Variants in NLGN4X observed in about 807,000 individuals in gnomAD.
The protein encoded by NLGN4X is neuroligin-4, X-linked.
Under a neutral mutation model 40.3 loss-of-function variants are expected in NLGN4X, and 3 were observed. The observed-to-expected ratio is 0.07, with a 90% confidence interval of 0.03 to 0.19. The LOEUF (loss-of-function observed/expected upper bound fraction) is 0.19, where lower values mean the gene tolerates loss of function less well. NLGN4X is among the 10% of genes least tolerant of loss of function. The pLI is 1.00. For missense variants in NLGN4X, 382 were observed against 708.3 expected (o/e 0.54, Z 5.23); for synonymous variants, 270 against 306.8 (o/e 0.88, Z 1.25).
chrX:5,981,092 G>A lies in NLGN4X; in HGVS notation c.625+48188C>T, dbSNP rs367741587. Among the ~76,000 whole-genome samples the A allele has an allele frequency of 3.6e-5, 4 of 110,947 alleles. No homozygotes were observed. The East Asian group carries it at 8.5e-4, about 24-fold the overall frequency. On this transcript the variant is annotated intron_variant, in intron 3 of 5. Transcript: ENST00000381095. ...CTTAAGCCTTCATCAGTGTCCCTCAGTGACAGAGTATAGTTTTCAGTGCAT... is the reference window on the plus strand; with the variant it reads ...CTTAAGCCTTCATCAGTGTCCCTCAATGACAGAGTATAGTTTTCAGTGCAT...
At chrX:6,157,936 C>T (rs1454709651) in intron 1 of NLGN4X, among the ~76,000 whole-genome samples, 2 of 111,906 alleles carry the variant, frequency 1.8e-5, no homozygotes, top group East Asian at 2.8e-4. Context: ...TAGGAGCTTA[C>T]ATTCTCATGA....
At chrX:6,031,709 G>A (rs917390769) in intron 2 of NLGN4X, among the ~76,000 whole-genome samples, 2 of 109,757 alleles carry the variant, frequency 1.8e-5, no homozygotes, top group Non-Finnish European at 3.8e-5. Context: ...TGGGAAAAAT[G>A]TGCTTTTAGC....
intron 3 of NLGN4X, among the ~76,000 whole-genome samples, chrX:5,941,180 G>GGTGTGTGTGTGTGTGTGTGT (rs3220455): frequency 1.7e-5 from 1 of 58,625 alleles, no homozygotes; most frequent in East Asian, 9.0e-4. Flanking sequence ...TATGCTAGGG[G>GGTGTGTGTGTGTGTGTGTGT]GTGTGTGTGT....
intron 3 of NLGN4X, among the ~76,000 whole-genome samples, chrX:5,918,135 T>C (rs1341391185): frequency 1.8e-5 from 2 of 110,934 alleles, no homozygotes; most frequent in African/African-American, 6.6e-5. Flanking sequence ...CATAGATATC[T>C]TGAAAAATTA....
At chrX:5,984,978 G>A (rs185950183) in intron 3 of NLGN4X, among the ~76,000 whole-genome samples, 2 of 111,568 alleles carry the variant, frequency 1.8e-5, no homozygotes, top group Non-Finnish European at 3.8e-5. Context: ...AATTAATATT[G>A]AAATAATAAG....
intron 3 of NLGN4X, among the ~76,000 whole-genome samples, chrX:5,971,913 A>G (rs1456742476): frequency 1.8e-5 from 2 of 111,801 alleles, no homozygotes; most frequent in East Asian, 5.6e-4. Context: ...ACAATATTTC[A>G]AGACAGAAAC....
intron 1 of NLGN4X, among the ~76,000 whole-genome samples, chrX:6,209,458 C>T (rs1488564337): frequency 2.7e-5 from 3 of 111,309 alleles, no homozygotes; most frequent in Non-Finnish European, 5.6e-5. Context: ...TTCAGCATCA[C>T]GCAAGGCACA....
chrX:5,985,564 C>T (rs1209318531), intron 3 of NLGN4X, among the ~76,000 whole-genome samples: 2 of 111,761 alleles, frequency 1.8e-5, no homozygotes, highest in Non-Finnish European at 3.8e-5. Context: ...GCTAGGATTA[C>T]AGGTGTGAGC....
intron 3 of NLGN4X, among the ~76,000 whole-genome samples, chrX:5,944,590 G>T (rs1164349464): frequency 9.8e-6 from 1 of 102,559 alleles, no homozygotes; most frequent in African/African-American, 3.6e-5. Flanking sequence ...CAAGGCTGCA[G>T]TGTGCTATGA....
At chrX:6,211,882 G>A (rs1048643211) in intron 1 of NLGN4X, among the ~76,000 whole-genome samples, 2 of 111,471 alleles carry the variant, frequency 1.8e-5, no homozygotes, top group Non-Finnish European at 3.8e-5. Context: ...TTTTTTCAAA[G>A]TTTCTGTATT....
chrX:5,954,527 C>T lies in NLGN4X; in HGVS notation c.626-45288G>A, dbSNP rs144982638. Among the ~76,000 whole-genome samples the T allele has an allele frequency of 6.5e-5, 7 of 107,700 alleles. No individual in the cohort carries two copies. The East Asian group carries it at 1.2e-3, about 18-fold the overall frequency. 93.5% of individuals were successfully genotyped at this position (107,700 alleles called of 115,157 possible). A position where few individuals can be genotyped will look rare whatever the true frequency, so the allele number is the denominator to read the frequency against. On this transcript the variant is annotated intron_variant, in intron 3 of 5. Coordinates refer to ENST00000381095, the MANE Select transcript of NLGN4X (RefSeq NM_181332.3). ...CTGGGATTACAGGGATGAGCCACCA[C>T]GCCAGCCTCATACATTGACACTTTG...
intron 3 of NLGN4X, among the ~76,000 whole-genome samples, chrX:5,915,888 A>G (rs955059637): frequency 8.9e-6 from 1 of 112,169 alleles, no homozygotes; most frequent in Admixed American, 9.5e-5. Context: ...ATATTTCTCC[A>G]GATTTGCTGC....
intron 2 of NLGN4X, among the ~76,000 whole-genome samples, chrX:6,072,670 C>T (rs1039055719): frequency 5.4e-5 from 6 of 111,717 alleles, no homozygotes; most frequent in Admixed American, 4.8e-4. Context: ...CTGTGCCATA[C>T]GGAGTCCACC....
intron 2 of NLGN4X, among the ~76,000 whole-genome samples, chrX:6,102,643 T>TATATATACATACATAC (rs2038938437): frequency 9.6e-6 from 1 of 104,395 alleles, no homozygotes; most frequent in African/African-American, 3.6e-5. Context: ...TTGATAGATA[T>TATATATACATACATAC]ATACATACAT....
At chrX:6,047,928 A>G (rs1007421373) in intron 2 of NLGN4X, among the ~76,000 whole-genome samples, 23 of 111,482 alleles carry the variant, frequency 2.1e-4, no homozygotes, top group African/African-American at 6.8e-4. Flanking sequence ...AAAGAAGCCA[A>G]ACATGCTCAA....
At chrX:5,948,047 A>T (rs1195896313) in intron 3 of NLGN4X, among the ~76,000 whole-genome samples, 1 of 111,662 alleles carries the variant, frequency 9.0e-6, no homozygotes, top group Non-Finnish European at 1.9e-5. Flanking sequence ...TTTCCAAAAA[A>T]CGTTCAAGAG....
rs143473258 is a variant in NLGN4X at position 6,138,396 on chromosome X, G to A, written c.472+12599C>T. ...CAAAGCTATGTATTAGGAGAGAAAG[G>A]AAACATTCCAAATTTCTTCATCTCT... On this transcript the variant is annotated intron_variant, in intron 2 of 5. Coordinates refer to ENST00000381095, the MANE Select transcript of NLGN4X (RefSeq NM_181332.3). Among the ~76,000 whole-genome samples the A allele has an allele frequency of 9.2e-3, 1,028 of 111,391 alleles. 8 individuals carry two copies. Among genetic ancestry groups the A allele is most frequent in the African/African-American group, 0.032 (987 of 30,689 alleles).
At chrX:5,897,094 A>G (rs2031536267) in intron 5 of NLGN4X, among the ~76,000 whole-genome samples, 2 of 112,166 alleles carry the variant, frequency 1.8e-5, no homozygotes, top group African/African-American at 6.5e-5. Flanking sequence ...CGATGGAACA[A>G]CATAAAAAAA....
intron 4 of NLGN4X, among the ~76,000 whole-genome samples, chrX:5,904,905 T>G (rs1232990440): frequency 2.7e-5 from 3 of 111,248 alleles, no homozygotes; most frequent in Non-Finnish European, 5.6e-5. Context: ...CAGGAAGACG[T>G]GATTTTAAAG....
Sources: allele counts gnomAD v4.1 joint callset (sites outside exome capture counted in the v4.1 genomes callset), GRCh38; gene constraint gnomAD v4.1.1; transcripts MANE v1.5; gene names NCBI Gene and HGNC (gene_info 2026-07-23, HGNC 2026-07-21).